Variants in CACNA1H observed in about 807,000 individuals in gnomAD.
CACNA1H encodes voltage-dependent T-type calcium channel subunit alpha-1H.
Under a neutral mutation model 192.5 loss-of-function variants are expected in CACNA1H, and 149 were observed. The ratio of observed to expected loss-of-function variants is 0.77; its 90% CI spans 0.68 to 0.89. The LOEUF (loss-of-function observed/expected upper bound fraction) is 0.89. Among genes scored for constraint, CACNA1H ranks in the 40% least tolerant of loss-of-function variants. The pLI, the probability that CACNA1H is intolerant of heterozygous loss-of-function variation, is 0.00. For synonymous variants in CACNA1H, 2,202 were observed against 1,475.2 expected, an observed-to-expected ratio of 1.49 and a Z score of -11.29; for missense variants, 4,257 against 3,423.5, an observed-to-expected ratio of 1.24 and a Z score of -6.08.
At chr16:1,193,287 C>G (rs1966776342) in intron 2 of CACNA1H, among the ~76,000 whole-genome samples, 1 of 152,238 alleles carries the variant, frequency 6.6e-6, no homozygotes, top group Non-Finnish European at 1.5e-5. Context: ...ACAAAGGTGC[C>G]CGAGGCTGGG....
At chr16:1,164,302 C>T (rs753124059) in intron 2 of CACNA1H, among the ~76,000 whole-genome samples, 4 of 152,162 alleles carry the variant, frequency 2.6e-5, no homozygotes, top group Admixed American at 6.5e-5. Context: ...CCCGAAGCCT[C>T]AGATCTGATG....
rs62012345 is a variant in CACNA1H at position 1,217,621 on chromosome 16, C to T, written c.5324-298C>T. 2.0e-3 allele frequency among the ~76,000 whole-genome samples: 301 copies of T among 152,340 alleles called. 1 individual carries two copies. The highest frequency in any genetic ancestry group is 6.5e-3 in the Admixed American group (99 of 15,310). On this transcript the variant is annotated intron_variant, in intron 31 of 34. Coordinates refer to ENST00000348261, the MANE Select transcript of CACNA1H (RefSeq NM_021098.3). ...AAGCTTGATTTTGGTCAGCCGGCGC[C>T]TACTCATCCCCCGCCACGCGCAGTC...
chr16:1,193,055 C>G lies in CACNA1H; in HGVS notation c.300-1917C>G, dbSNP rs139209860. Among the ~76,000 whole-genome samples, 322 of 152,292 alleles carry G rather than the reference C, an allele frequency of 2.1e-3. 3 individuals carry two copies. The East Asian group carries it at 0.023, about 11-fold the overall frequency. On this transcript the variant is annotated intron_variant, in intron 2 of 34. Transcript: ENST00000348261. Reference sequence around the variant, plus strand: ...CCACCTACAAGACCCCTGGCTCAGCCAGGCTGGGGTAGAGTGCCGTGGGGG... The same window carrying G: ...CCACCTACAAGACCCCTGGCTCAGCGAGGCTGGGGTAGAGTGCCGTGGGGG...
Position 1,220,565 on chromosome 16 carries a change from C to T in CACNA1H, c.6633C>T (p.Gly2211=), listed in dbSNP as rs1362184958. The T allele has an allele frequency of 3.4e-5, 52 of 1,533,334 alleles. No homozygotes were observed. Among genetic ancestry groups the T allele is most frequent in the East Asian group, 3.2e-4 (14 of 44,302 alleles). The allele number at this position is 1,533,334 out of a possible 1,614,324, so 95.0% of individuals were successfully genotyped here. A position where few individuals can be genotyped will look rare whatever the true frequency, so the allele number is the denominator to read the frequency against. ...EGSARPSAAE[G]GSTTLRRRTP... ...CTGCGCGGCCCTCCGCGGCAGAGGG[C>T]GGCAGCACCACACTGAGGCGCAGGA... Residue 2211 remains glycine, a synonymous_variant, in exon 35 of 35, where the codon GGC becomes GGT. Transcript: ENST00000348261.
chr16:1,153,217 C>A lies in CACNA1H; in HGVS notation c.-272C>A, dbSNP rs867598991. 448 of 145,760 alleles carry A rather than the reference C, an allele frequency of 3.1e-3. 2 individuals carry two copies. The highest frequency in any genetic ancestry group is 0.018 in the Middle Eastern group (5 of 274). The allele number at this position is 145,760 out of a possible 1,614,324, so 9.0% of individuals were successfully genotyped here. The stretch of plus-strand genomic sequence containing the variant: ...GCCCCGCGCCCCGGCCTCACCCGTC[C>A]GCTCAGCGGCCTCCACGCCGCGCCG... On this transcript the variant is annotated 5_prime_UTR_variant, in exon 1 of 35. Coordinates refer to ENST00000348261, the MANE Select transcript of CACNA1H (RefSeq NM_021098.3).
intron 34 of CACNA1H, among the ~76,000 whole-genome samples, chr16:1,219,745 A>C (rs1970330816): frequency 6.6e-6 from 1 of 151,876 alleles, no homozygotes; most frequent in African/African-American, 2.4e-5. Flanking sequence ...GGGCCATGGC[A>C]TCTCTGCCCA....
At chr16:1,163,252 G>A (rs1206475783) in intron 2 of CACNA1H, among the ~76,000 whole-genome samples, 1 of 152,254 alleles carries the variant, frequency 6.6e-6, no homozygotes, top group East Asian at 1.9e-4. Context: ...GGGCAGTGGG[G>A]GTGGCCTCGG....
chr16:1,154,774 GAGA>G (rs1050250424), intron 2 of CACNA1H, among the ~76,000 whole-genome samples: 2 of 152,214 alleles, frequency 1.3e-5, no homozygotes, highest in African/African-American at 4.8e-5. Flanking sequence ...ACAGACTGCA[GAGA>G]AGGTTCCAGA....
chr16:1,186,810 C>T (rs1470142391), intron 2 of CACNA1H, among the ~76,000 whole-genome samples: 1 of 152,200 alleles, frequency 6.6e-6, no homozygotes, highest in Non-Finnish European at 1.5e-5. Context: ...AGCAGTGCGC[C>T]CTGGTTCTCA....
At chr16:1,192,185 C>A (rs1966683752) in intron 2 of CACNA1H, among the ~76,000 whole-genome samples, 1 of 152,220 alleles carries the variant, frequency 6.6e-6, no homozygotes, top group African/African-American at 2.4e-5. Context: ...GGAGGGGCAC[C>A]CAGGCCCCCT....
chr16:1,157,948 G>A (rs963191067), intron 2 of CACNA1H: 2 of 152,204 alleles, frequency 1.3e-5, no homozygotes, highest in Admixed American at 6.5e-5. Context: ...CGTGTCTCCC[G>A]GAGACCCTGG....
intron 2 of CACNA1H, among the ~76,000 whole-genome samples, chr16:1,161,827 G>A (rs1963230563): frequency 1.3e-5 from 2 of 152,194 alleles, no homozygotes; most frequent in Admixed American, 6.5e-5. Context: ...AGCAGCACCC[G>A]GACCTCCTGG....
chr16:1,218,702 G>A (rs1970235267), intron 33 of CACNA1H, 51 bp downstream of exon 33: 4 of 1,457,792 alleles, frequency 2.7e-6, no homozygotes, highest in East Asian at 4.9e-5. Context: ...AGGACAGGGA[G>A]GAAGATGGGG....
intron 2 of CACNA1H, among the ~76,000 whole-genome samples, chr16:1,156,423 C>T (rs930468851): frequency 1.3e-5 from 2 of 152,200 alleles, no homozygotes; most frequent in African/African-American, 2.4e-5. Flanking sequence ...AGCTGGCAGG[C>T]CTGGACAGGT....
At chr16:1,198,103 C>T (rs1967212069) in intron 5 of CACNA1H, among the ~76,000 whole-genome samples, 1 of 152,228 alleles carries the variant, frequency 6.6e-6, no homozygotes, top group Non-Finnish European at 1.5e-5. Context: ...TGCAGAGACC[C>T]CCAGGAGGCA....
At chr16:1,203,193 T>C (rs1178340847) in intron 9 of CACNA1H, among the ~76,000 whole-genome samples, 1 of 152,050 alleles carries the variant, frequency 6.6e-6, no homozygotes, top group African/African-American at 2.4e-5. Flanking sequence ...TCCTAGCCCT[T>C]GAATTGTGGG....
At chr16:1,207,522 A>G in intron 14 of CACNA1H, 92 bp downstream of exon 14, 2 of 1,356,750 alleles carry the variant, frequency 1.5e-6, no homozygotes, top group Non-Finnish European at 2.0e-6. Flanking sequence ...GGGCCTGCCA[A>G]GAGGTGAGGG....
At chr16:1,218,706 G>A (rs920338957) in intron 33 of CACNA1H, 55 bp downstream of exon 33, 3 of 1,159,452 alleles carry the variant, frequency 2.6e-6, no homozygotes, top group Non-Finnish European at 2.4e-6. Context: ...CAGGGAGGAA[G>A]ATGGGGGCAG....
At position 1,205,034 on chromosome 16, in the gene CACNA1H, G is replaced by T; in HGVS notation, c.2452-80G>T. On this transcript the variant is annotated intron_variant, in intron 10 of 34. Coordinates refer to ENST00000348261, the MANE Select transcript of CACNA1H (RefSeq NM_021098.3). The stretch of plus-strand genomic sequence containing the variant: ...TGCCGGGGAGGGGTGGGAGCCACGG[G>T]TGGGGGCCCCAGATCAGTGCCGGTG... 3.6e-6 allele frequency: 4 copies of T among 1,123,132 alleles called. 1 individual carries two copies. The highest frequency in any genetic ancestry group is 3.7e-6 in the Non-Finnish European group (3 of 803,258). 69.6% of individuals were successfully genotyped at this position (1,123,132 alleles called of 1,614,324 possible). A position where few individuals can be genotyped will look rare whatever the true frequency, so the allele number is the denominator to read the frequency against.
Sources: allele counts gnomAD v4.1 joint callset (sites outside exome capture counted in the v4.1 genomes callset), GRCh38; gene constraint gnomAD v4.1.1; transcripts MANE v1.5; gene names NCBI Gene and HGNC (gene_info 2026-07-23, HGNC 2026-07-21).